GRM7: variants seen among roughly 807,000 people sequenced by gnomAD.
The protein encoded by GRM7 is metabotropic glutamate receptor 7.
In GRM7, 35 loss-of-function variants were observed where a neutral mutation model predicts 84.5. That is an observed-to-expected ratio of 0.41 (90% CI 0.32 to 0.55). The LOEUF (loss-of-function observed/expected upper bound fraction) is 0.55. GRM7 is among the 20% of genes least tolerant of loss of function. The probability of loss-of-function intolerance (pLI) is 0.19; values close to 1 mark genes in which losing one functional copy is unlikely to be tolerated. For missense variants in GRM7, 1,003 were observed against 1,194.6 expected (o/e 0.84, Z 2.36); for synonymous variants, 487 against 455.1 (o/e 1.07, Z -0.89).
intron 1 of GRM7, among the ~76,000 whole-genome samples, chr3:7,065,739 C>A (rs11915901): frequency 0.11 from 16,746 of 151,608 alleles, 1,231 homozygotes; most frequent in African/African-American, 0.21. Context: ...TGATGGTGGT[C>A]TTCAGATGGA....
intron 2 of GRM7, among the ~76,000 whole-genome samples, chr3:7,175,194 C>A (rs1205085054): frequency 1.3e-5 from 2 of 152,212 alleles, no homozygotes; most frequent in African/African-American, 4.8e-5. Context: ...TGATAACTTT[C>A]CTACATTCTG....
chr3:7,042,892 A>G (rs922770625), intron 1 of GRM7, among the ~76,000 whole-genome samples: 9 of 152,092 alleles, frequency 5.9e-5, no homozygotes, highest in African/African-American at 2.2e-4. Flanking sequence ...GAAGATTTTT[A>G]TATTTTTACA....
intron 1 of GRM7, among the ~76,000 whole-genome samples, chr3:7,027,673 T>C (rs943483598): frequency 3.3e-5 from 5 of 152,220 alleles, no homozygotes; most frequent in Admixed American, 1.3e-4. Flanking sequence ...TGTCACTTCA[T>C]TGGTTAAAAC....
At chr3:7,087,667 A>G (rs1376634235) in intron 1 of GRM7, among the ~76,000 whole-genome samples, 1 of 152,152 alleles carries the variant, frequency 6.6e-6, no homozygotes, top group Non-Finnish European at 1.5e-5. Flanking sequence ...AAAGAGAGGA[A>G]GTAAATGAGT....
chr3:7,574,109 T>A (rs2125048972), intron 7 of GRM7, among the ~76,000 whole-genome samples: 1 of 152,006 alleles, frequency 6.6e-6, no homozygotes, highest in East Asian at 1.9e-4. Flanking sequence ...TTTATTTTAT[T>A]TTTATTATTT....
intron 2 of GRM7, among the ~76,000 whole-genome samples, chr3:7,175,920 C>G (rs1695130753): frequency 6.6e-6 from 1 of 152,106 alleles, no homozygotes; most frequent in Non-Finnish European, 1.5e-5. Flanking sequence ...CCACCAAAAG[C>G]TGAAGTGATA....
At chr3:6,940,050 T>A (rs1432739477) in intron 1 of GRM7, among the ~76,000 whole-genome samples, 2 of 152,164 alleles carry the variant, frequency 1.3e-5, no homozygotes, top group Non-Finnish European at 2.9e-5. Flanking sequence ...TATGAAATAT[T>A]TAATTTACAT....
At chr3:7,384,329 G>C (rs150461682) in intron 4 of GRM7, among the ~76,000 whole-genome samples, 1 of 152,002 alleles carries the variant, frequency 6.6e-6, no homozygotes, top group South Asian at 2.1e-4. Flanking sequence ...GCACCTGGCC[G>C]AATAATACAT....
intron 1 of GRM7, among the ~76,000 whole-genome samples, chr3:6,864,577 C>A (rs905494882): frequency 2.8e-4 from 42 of 152,310 alleles, no homozygotes; most frequent in African/African-American, 1.0e-3. Context: ...AAAAGAAACT[C>A]CTCCAAATGA....
intron 4 of GRM7, among the ~76,000 whole-genome samples, chr3:7,377,339 TG>T (rs1186897322): frequency 3.3e-5 from 5 of 152,222 alleles, no homozygotes; most frequent in African/African-American, 1.2e-4. Context: ...CTTGTCAACA[TG>T]CTACTCTGTA....
At chr3:7,678,823 AAT>A (rs1700243441) in intron 8 of GRM7, among the ~76,000 whole-genome samples, 1 of 152,336 alleles carries the variant, frequency 6.6e-6, no homozygotes, top group Admixed American at 6.5e-5. Flanking sequence ...CCAGGCAGCC[AAT>A]ATGTCTGATG....
chr3:7,327,892 T>C (rs187675058), intron 4 of GRM7, among the ~76,000 whole-genome samples: 14 of 152,362 alleles, frequency 9.2e-5, no homozygotes, highest in Admixed American at 9.2e-4. Flanking sequence ...CTATTCTAAA[T>C]AATGTATCAG....
intron 1 of GRM7, among the ~76,000 whole-genome samples, chr3:7,141,435 C>A (rs140381332): frequency 4.3e-4 from 65 of 151,984 alleles, no homozygotes; most frequent in Admixed American, 1.2e-3. Context: ...CAAGAATGAA[C>A]AACCAAATAG....
chr3:7,525,581 G>A (rs1700773449), intron 7 of GRM7, among the ~76,000 whole-genome samples: 1 of 151,904 alleles, frequency 6.6e-6, no homozygotes, highest in South Asian at 2.1e-4. Context: ...TTATTTAGGG[G>A]GTACATGTGA....
At chr3:7,606,602 C>T (rs1167272152) in intron 8 of GRM7, among the ~76,000 whole-genome samples, 4 of 152,124 alleles carry the variant, frequency 2.6e-5, no homozygotes, top group Non-Finnish European at 5.9e-5. Flanking sequence ...GGCGCAATCT[C>T]GGCTCACTGC....
At chr3:7,517,642 C>G (rs1255159277) in intron 7 of GRM7, among the ~76,000 whole-genome samples, 1 of 152,110 alleles carries the variant, frequency 6.6e-6, no homozygotes, top group Non-Finnish European at 1.5e-5. Flanking sequence ...AATCACCTGT[C>G]TTGGCCTTCC....
intron 8 of GRM7, among the ~76,000 whole-genome samples, chr3:7,648,887 G>T (rs1352585170): frequency 6.6e-6 from 1 of 152,004 alleles, no homozygotes; most frequent in Non-Finnish European, 1.5e-5. Flanking sequence ...AGTCAAGTAC[G>T]GCTTGCTAAT....
At chr3:7,163,396 G>A (rs560800439) in intron 2 of GRM7, among the ~76,000 whole-genome samples, 15 of 152,248 alleles carry the variant, frequency 9.9e-5, no homozygotes, top group Admixed American at 3.9e-4. Context: ...AACCAGAAGC[G>A]CTTTCTCTTG....
chr3:7,690,765 T>C (rs1365017994), intron 9 of GRM7, among the ~76,000 whole-genome samples: 1 of 152,242 alleles, frequency 6.6e-6, no homozygotes, highest in Admixed American at 6.5e-5. Flanking sequence ...AGATTCTAAT[T>C]TGGTAAACAC....
Sources: allele counts gnomAD v4.1 joint callset (sites outside exome capture counted in the v4.1 genomes callset), GRCh38; gene constraint gnomAD v4.1.1; transcripts MANE v1.5; gene names NCBI Gene and HGNC (gene_info 2026-07-23, HGNC 2026-07-21).